The following RNF10 variants were observed in gnomAD, a reference collection of about 807,000 sequenced individuals.
The protein encoded by RNF10 is ring finger protein 10, also known as E3 ubiquitin-protein ligase RNF10.
Under a neutral mutation model 91.4 loss-of-function variants are expected in RNF10, and 38 were observed. The ratio of observed to expected loss-of-function variants is 0.42; its 90% CI spans 0.32 to 0.54. The LOEUF is 0.54. Among genes scored for constraint, RNF10 ranks in the 20% least tolerant of loss-of-function variants. The pLI, the probability that RNF10 is intolerant of heterozygous loss-of-function variation, is 0.16. For synonymous variants in RNF10, 364 were observed against 366.3 expected, an observed-to-expected ratio of 0.99 and a Z score of 0.07; for missense variants, 945 against 1,012.0, an observed-to-expected ratio of 0.93 and a Z score of 0.90.
chr12:120,551,303 T>TG (rs1873042912), intron 2 of RNF10, among the ~76,000 whole-genome samples: 2 of 147,146 alleles, frequency 1.4e-5, no homozygotes, highest in Admixed American at 6.9e-5. Context: ...TTTTTTTTTT[T>TG]TTTTTTTTTG....
chr12:120,555,331 G>GT lies in RNF10; in HGVS notation c.645+523_645+524insT, dbSNP rs1370202467. ...TGAGTAGCTGGGATTACAGGCACCC[G>GT]CCACCACGCCTGGCTAATTTTTGTA... is the stretch of plus-strand genomic sequence containing the variant. On this transcript the variant is annotated intron_variant, in intron 4 of 16. Transcript: ENST00000325954. Among the ~76,000 whole-genome samples, 92 of 145,444 alleles carry GT rather than the reference G, an allele frequency of 6.3e-4. 1 individual carries two copies. The highest frequency in any genetic ancestry group is 2.1e-3 in the African/African-American group (82 of 38,974).
Position 120,546,403 on chromosome 12 carries a change from A to C in RNF10, c.158-2A>C. 1 of 1,603,614 alleles carries C rather than the reference A, an allele frequency of 6.2e-7. No homozygotes were observed. Among genetic ancestry groups the C allele is most frequent in the Non-Finnish European group, 8.5e-7 (1 of 1,175,568 alleles). On this transcript the variant is annotated splice_acceptor_variant, in intron 1 of 16. Coordinates refer to ENST00000325954, the MANE Select transcript of RNF10 (RefSeq NM_014868.5). LOFTEE classifies it high-confidence loss of function. ...ACGTTCTTTTGTGTTTCTTGCTTTCAGATGGAAAGAACTCCAGTGGATCCA... is the reference window on the plus strand; with the variant it reads ...ACGTTCTTTTGTGTTTCTTGCTTTCCGATGGAAAGAACTCCAGTGGATCCA...
At chr12:120,552,154 G>A (rs1414045086) in intron 2 of RNF10, among the ~76,000 whole-genome samples, 3 of 151,640 alleles carry the variant, frequency 2.0e-5, no homozygotes, top group African/African-American at 7.3e-5. Context: ...CAGCACTTTG[G>A]GAGGCTGAGG....
chr12:120,555,273 C>T (rs1873806192), intron 4 of RNF10, among the ~76,000 whole-genome samples: 1 of 152,108 alleles, frequency 6.6e-6, no homozygotes, highest in Non-Finnish European at 1.5e-5. Flanking sequence ...CCTCTGCCTC[C>T]AGGGTTCAAG....
chr12:120,563,410 CCTT>C lies in RNF10; in HGVS notation c.1321_1323del (p.Ser441del), dbSNP rs1160208263. ...CACGGAAGTTTGTTCTCTGGACACT[CCTT>C]CTAGACCTCTTGCTCTCCCTCTGGT... On this transcript the variant is annotated inframe_deletion, in exon 9 of 17. Coordinates refer to ENST00000325954, the MANE Select transcript of RNF10 (RefSeq NM_014868.5). 3.7e-6 allele frequency: 6 copies of C among 1,613,974 alleles called. No individual in the cohort carries two copies. Among genetic ancestry groups the C allele is most frequent in the African/African-American group, 1.3e-5 (1 of 74,912 alleles).
chr12:120,571,497 G>A (rs533537638), intron 14 of RNF10, among the ~76,000 whole-genome samples: 4 of 152,226 alleles, frequency 2.6e-5, no homozygotes, highest in East Asian at 1.9e-4. Flanking sequence ...TGTCATGGAC[G>A]TCCGCTCTGT....
intron 1 of RNF10, among the ~76,000 whole-genome samples, chr12:120,545,686 C>T (rs952049149): frequency 3.3e-5 from 5 of 152,050 alleles, no homozygotes; most frequent in African/African-American, 9.7e-5. Flanking sequence ...TATAGGTGCC[C>T]GCCACCATGC....
At chr12:120,574,067 C>T (rs532100803) in intron 14 of RNF10, among the ~76,000 whole-genome samples, 1 of 152,320 alleles carries the variant, frequency 6.6e-6, no homozygotes, top group Non-Finnish European at 1.5e-5. Context: ...TCCCCACTTC[C>T]AGCATTGGGG....
chr12:120,570,184 CTT>C (rs11378458), intron 13 of RNF10: 33 of 112,342 alleles, frequency 2.9e-4, no homozygotes, highest in Non-Finnish European at 3.4e-4. Flanking sequence ...CACACCCAGC[CTT>C]TTTTTTTTTT....
Position 120,571,246 on chromosome 12 carries a change from C to T in RNF10, c.2097C>T (p.Cys699=), listed in dbSNP as rs1345914703. Residue 699 remains cysteine, a synonymous_variant, in exon 14 of 17, where the codon TGC becomes TGT. Coordinates refer to ENST00000325954, the MANE Select transcript of RNF10 (RefSeq NM_014868.5). ...PTASQGSPSF[C]VGSLEEDSPF... The stretch of plus-strand genomic sequence containing the variant: ...CCAGTCAGGGCAGTCCCTCATTCTG[C>T]GTTGGGAGTCTGGAAGAAGACTCTC... 4 of 1,613,950 alleles carry T rather than the reference C, an allele frequency of 2.5e-6. No homozygotes were observed. The highest frequency in any genetic ancestry group is 2.2e-5 in the East Asian group (1 of 44,896).
chr12:120,535,262 C>G (rs2137111822), intron 1 of RNF10, among the ~76,000 whole-genome samples: 1 of 152,338 alleles, frequency 6.6e-6, no homozygotes, highest in South Asian at 2.1e-4. Flanking sequence ...TGGCTCACAG[C>G]AGGCCTTAAG....
At chr12:120,550,845 C>T (rs1237314583) in intron 2 of RNF10, among the ~76,000 whole-genome samples, 1 of 152,128 alleles carries the variant, frequency 6.6e-6, no homozygotes, top group Non-Finnish European at 1.5e-5. Context: ...ATCCGCCCGC[C>T]TCAGCCTCCC....
chr12:120,569,132 G>A (rs552533661), intron 13 of RNF10, among the ~76,000 whole-genome samples: 1 of 152,130 alleles, frequency 6.6e-6, no homozygotes, highest in South Asian at 2.1e-4. Flanking sequence ...ACCATGCCTG[G>A]CTAATTTTGT....
chr12:120,543,900 T>A (rs1365205127), intron 1 of RNF10, among the ~76,000 whole-genome samples: 1 of 152,044 alleles, frequency 6.6e-6, no homozygotes, highest in Non-Finnish European at 1.5e-5. Flanking sequence ...GAGGCTGCAG[T>A]GTGCTATGAT....
chr12:120,566,052 A>G lies in RNF10; in HGVS notation c.1885+523A>G, dbSNP rs116491325. ...GGGGATTAGTGTGACCTGAGGTCCC[A>G]TTATCCACTAGAACACAAGGAACTG... On this transcript the variant is annotated intron_variant, in intron 12 of 16. Coordinates refer to ENST00000325954, the MANE Select transcript of RNF10 (RefSeq NM_014868.5). Among the ~76,000 whole-genome samples, 1,051 of 152,340 alleles carry G rather than the reference A, an allele frequency of 6.9e-3. 8 individuals carry two copies. Among genetic ancestry groups the G allele is most frequent in the African/African-American group, 0.024 (984 of 41,566 alleles).
chr12:120,576,439 G>C (rs768295370), intron 16 of RNF10, 151 bp from the exon 17 acceptor site: 28 of 1,210,980 alleles, frequency 2.3e-5, no homozygotes, highest in Non-Finnish European at 3.2e-5. Context: ...ACACCCACTT[G>C]GTGTATACCA....
chr12:120,562,829 T>A, intron 7 of RNF10, 116 bp from the exon 8 acceptor site: 1 of 1,253,216 alleles, frequency 8.0e-7, no homozygotes, highest in Non-Finnish European at 1.2e-6. Context: ...TCCCATTGGG[T>A]CTCATTGCCT....
rs2137204801 is a variant in RNF10 at position 120,557,776 on chromosome 12, A to G, written c.967+94A>G. On this transcript the variant is annotated intron_variant, in intron 6 of 16. Transcript: ENST00000325954. ...GCATCAGAAAGTGAAGCCTTTGGGC[A>G]GGGCACATCTGGCATGTTCATATTA... The G allele has an allele frequency of 2.9e-6, 4 of 1,384,418 alleles. 1 individual carries two copies. Among genetic ancestry groups the G allele is most frequent in the African/African-American group, 1.4e-5 (1 of 70,558 alleles). 85.8% of individuals were successfully genotyped at this position (1,384,418 alleles called of 1,614,324 possible).
intron 16 of RNF10, 90 bp from the exon 17 acceptor site, chr12:120,576,500 C>T: frequency 6.6e-7 from 1 of 1,520,948 alleles, no homozygotes. Context: ...CCACTCTTAG[C>T]TCCCACTCTG....
Sources: gnomAD v4.1 joint callset for allele counts (sites outside exome capture counted in the v4.1 genomes callset) on GRCh38, gnomAD v4.1.1 for gene constraint, MANE v1.5 for transcripts, NCBI Gene and HGNC (gene_info 2026-07-23, HGNC 2026-07-21) for gene names.